Variants in RPS6KC1 observed in about 807,000 individuals in gnomAD.
RPS6KC1 encodes inactive ribosomal protein S6 kinase delta-1.
RPS6KC1 carries 54 observed loss-of-function variants against 103.8 expected under a neutral mutation model. That is an observed-to-expected ratio of 0.52 (90% CI 0.42 to 0.65). The LOEUF is 0.65. Ranked by LOEUF, RPS6KC1 falls within the 30% of genes least tolerant of loss-of-function variation. The probability of loss-of-function intolerance (pLI) is 0.00; values close to 1 mark genes in which losing one functional copy is unlikely to be tolerated. For synonymous variants in RPS6KC1, 439 were observed against 438.7 expected, an observed-to-expected ratio of 1.00 and a Z score of -0.01; for missense variants, 1,151 against 1,253.8, an observed-to-expected ratio of 0.92 and a Z score of 1.24.
At chr1:213,373,322 G>T in the RPS6KC1 span, among the ~76,000 whole-genome samples, 2 of 152,190 alleles carry the variant, frequency 1.3e-5, no homozygotes, top group South Asian at 4.1e-4. Flanking sequence ...TAGGACAAGG[G>T]ACCAGGACAT....
intron 6 of RPS6KC1, among the ~76,000 whole-genome samples, chr1:213,142,288 T>C (rs2087152733): frequency 6.6e-6 from 1 of 152,100 alleles, no homozygotes; most frequent in Non-Finnish European, 1.5e-5. Context: ...ATGGGTCTCT[T>C]GAAGATAGGA....
the RPS6KC1 span, among the ~76,000 whole-genome samples, chr1:213,291,858 T>G: frequency 2.3e-4 from 35 of 152,340 alleles, no homozygotes; most frequent in African/African-American, 8.4e-4. Context: ...TAGGTTTTCT[T>G]CTAGGGTTTT....
the RPS6KC1 span, among the ~76,000 whole-genome samples, chr1:213,538,232 C>T: frequency 6.6e-6 from 1 of 152,148 alleles, no homozygotes. Flanking sequence ...GAAATGTCAA[C>T]CCTGTGGCAA....
chr1:213,242,346 A>G, intron 11 of RPS6KC1, 49 bp downstream of exon 11: 4 of 1,590,886 alleles, frequency 2.5e-6, no homozygotes, highest in Admixed American at 1.7e-5. Context: ...GTTGCTTCCA[A>G]TTAACTGAGT....
At chr1:213,563,818 T>C in the RPS6KC1 span, among the ~76,000 whole-genome samples, 2 of 152,054 alleles carry the variant, frequency 1.3e-5, no homozygotes, top group African/African-American at 4.8e-5. Flanking sequence ...GGTTGGCCAG[T>C]ATTTTAATTA....
the RPS6KC1 span, among the ~76,000 whole-genome samples, chr1:213,595,897 A>G: frequency 6.6e-6 from 1 of 152,200 alleles, no homozygotes; most frequent in Admixed American, 6.5e-5. Context: ...ATCCCTGAAG[A>G]ATCACTAAAC....
chr1:213,161,324 T>G (rs1382113058), intron 6 of RPS6KC1, among the ~76,000 whole-genome samples: 2 of 151,638 alleles, frequency 1.3e-5, no homozygotes, highest in Non-Finnish European at 3.0e-5. Context: ...CTTGACTCAT[T>G]CTTTTTTTTT....
the RPS6KC1 span, among the ~76,000 whole-genome samples, chr1:213,502,383 A>G: frequency 1.3e-5 from 2 of 152,342 alleles, no homozygotes; most frequent in Admixed American, 1.3e-4. Flanking sequence ...CTAGAAATTG[A>G]AAACAAACCC....
the RPS6KC1 span, among the ~76,000 whole-genome samples, chr1:213,786,159 A>T: frequency 6.6e-6 from 1 of 152,176 alleles, no homozygotes. Flanking sequence ...ATGGAATAGG[A>T]GAGTGGCAGA....
chr1:213,526,462 G>C, the RPS6KC1 span, among the ~76,000 whole-genome samples: 1 of 152,196 alleles, frequency 6.6e-6, no homozygotes, highest in African/African-American at 2.4e-5. Context: ...TCAGCTGTCT[G>C]GGTGAAGCAT....
At chr1:213,602,154 CTTTCTT>C in the RPS6KC1 span, among the ~76,000 whole-genome samples, 2 of 83,666 alleles carry the variant, frequency 2.4e-5, no homozygotes, top group Non-Finnish European at 4.6e-5. Context: ...TTCTTTCTTT[CTTTCTT>C]TCTTTCTTTC....
chr1:213,756,356 T>C, the RPS6KC1 span, among the ~76,000 whole-genome samples: 1 of 152,176 alleles, frequency 6.6e-6, no homozygotes, highest in Non-Finnish European at 1.5e-5. Context: ...GGGCTGTCTG[T>C]AGGGAAGGGT....
chr1:213,346,170 A>G, the RPS6KC1 span, among the ~76,000 whole-genome samples: 66 of 152,278 alleles, frequency 4.3e-4, no homozygotes, highest in Middle Eastern at 3.4e-3. Flanking sequence ...TAACAAATGT[A>G]TTTTTTTCTA....
At chr1:213,238,162 A>G (rs1176441428) in intron 10 of RPS6KC1, among the ~76,000 whole-genome samples, 1 of 152,196 alleles carries the variant, frequency 6.6e-6, no homozygotes, top group African/African-American at 2.4e-5. Flanking sequence ...TGTAAATGTC[A>G]TAAGGAGTAT....
At chr1:213,717,583 A>G in the RPS6KC1 span, among the ~76,000 whole-genome samples, 1 of 152,204 alleles carries the variant, frequency 6.6e-6, no homozygotes, top group African/African-American at 2.4e-5. Context: ...CAAAGTTTGA[A>G]TGGTCAAGCA....
intron 8 of RPS6KC1, chr1:213,176,827 A>G (rs190935478): frequency 1.8e-5 from 3 of 164,122 alleles, no homozygotes; most frequent in Non-Finnish European, 2.7e-5. Flanking sequence ...ATTAATTAAT[A>G]CGGTCATTGT....
chr1:213,603,364 C>T, the RPS6KC1 span, among the ~76,000 whole-genome samples: 1 of 152,326 alleles, frequency 6.6e-6, no homozygotes, highest in African/African-American at 2.4e-5. Flanking sequence ...TGAGCAGTTA[C>T]TGCTCCTGGG....
the RPS6KC1 span, among the ~76,000 whole-genome samples, chr1:213,407,179 T>C: frequency 6.6e-6 from 1 of 151,868 alleles, no homozygotes; most frequent in East Asian, 1.9e-4. Flanking sequence ...TTGGGACTTC[T>C]GGGATATAGA....
At chr1:213,573,419 C>T in the RPS6KC1 span, among the ~76,000 whole-genome samples, 1 of 152,198 alleles carries the variant, frequency 6.6e-6, no homozygotes, top group African/African-American at 2.4e-5. Flanking sequence ...GGTTGGGACT[C>T]TCATAAGAAG....
Sources: gnomAD v4.1 joint callset for allele counts (sites outside exome capture counted in the v4.1 genomes callset) on GRCh38, gnomAD v4.1.1 for gene constraint, MANE v1.5 for transcripts, NCBI Gene and HGNC (gene_info 2026-07-23, HGNC 2026-07-21) for gene names.